The following PYGO1 variants were observed in gnomAD, a reference collection of about 807,000 sequenced individuals.
The protein encoded by PYGO1 is pygopus family PHD finger 1.
PYGO1 carries 6 observed loss-of-function variants against 29.5 expected under a neutral mutation model. That is an observed-to-expected ratio of 0.20 (90% CI 0.11 to 0.40). The LOEUF (loss-of-function observed/expected upper bound fraction) is 0.40, where lower values mean the gene tolerates loss of function less well. PYGO1 is among the 10% of genes least tolerant of loss of function. The pLI is 1.00. For missense variants in PYGO1, 515 were observed against 514.9 expected (o/e 1.00, Z 0.00); for synonymous variants, 186 against 180.5 (o/e 1.03, Z -0.24).
At chr15:55,566,011 G>A (rs2058954820) in intron 1 of PYGO1, among the ~76,000 whole-genome samples, 1 of 152,196 alleles carries the variant, frequency 6.6e-6, no homozygotes. Flanking sequence ...TCGAACTCCT[G>A]ACCTTGTCAT....
intron 1 of PYGO1, among the ~76,000 whole-genome samples, chr15:55,568,133 G>C (rs2058964799): frequency 6.6e-6 from 1 of 152,120 alleles, no homozygotes; most frequent in Non-Finnish European, 1.5e-5. Context: ...TAGTTTGATA[G>C]AAATAGTGTT....
intron 1 of PYGO1, among the ~76,000 whole-genome samples, chr15:55,587,448 T>C (rs1397592426): frequency 6.6e-6 from 1 of 151,928 alleles, no homozygotes; most frequent in African/African-American, 2.4e-5. Context: ...AACTCTTGTG[T>C]ACTCCAACTT....
chr15:55,573,933 T>C (rs2058990628), intron 1 of PYGO1, among the ~76,000 whole-genome samples: 1 of 152,228 alleles, frequency 6.6e-6, no homozygotes, highest in Non-Finnish European at 1.5e-5. Flanking sequence ...GTTTTCATTG[T>C]CTATTTACAA....
intron 1 of PYGO1, among the ~76,000 whole-genome samples, chr15:55,577,402 C>T (rs2059007590): frequency 6.6e-6 from 1 of 152,102 alleles, no homozygotes; most frequent in South Asian, 2.1e-4. Flanking sequence ...GGCTCAGGAA[C>T]CCCTGAGGCT....
intron 2 of PYGO1, among the ~76,000 whole-genome samples, chr15:55,548,706 C>T: frequency 2.6e-5 from 1 of 38,020 alleles, no homozygotes; most frequent in Non-Finnish European, 4.8e-5. Flanking sequence ...AAGAATCCAC[C>T]TAAAAAAAAA....
In PYGO1 at chr15:55,546,037, C is replaced by A. The variant is rs1225868090; in HGVS notation, c.1246G>T (p.Gly416Cys). The A allele has an allele frequency of 2.5e-6, 4 of 1,609,046 alleles. No individual in the cohort carries two copies. Among genetic ancestry groups the A allele is most frequent in the Non-Finnish European group, 3.4e-6 (4 of 1,176,378 alleles). The change falls in exon 3 of 3, where the codon GGC becomes TGC. Residue 416 changes from glycine (G) to cysteine (C), a missense_variant. Gly to Cys is a radical substitution (Grantham distance 159). Transcript: ENST00000563719. ...TRETFGPSAV[G>C]SDA ...AATGCCTTTGATTAAGCATCACTGC[C>A]CACTGCAGATGGACCAAAAGTTTCT...
chr15:55,574,509 C>T (rs1407309710), intron 1 of PYGO1, among the ~76,000 whole-genome samples: 1 of 152,086 alleles, frequency 6.6e-6, no homozygotes, highest in East Asian at 1.9e-4. Flanking sequence ...ATATTTTATG[C>T]AGTCATGACA....
rs950544074 is a variant in PYGO1, at chr15:55,587,684, G to A, written c.49+151C>T. Reference sequence around the variant, plus strand: ...CAGCGGGCGCCCGGGCCGCGCGCTCGGATCGCAGCCTCGGCCCCGGGGTGC... The same window carrying A: ...CAGCGGGCGCCCGGGCCGCGCGCTCAGATCGCAGCCTCGGCCCCGGGGTGC... On this transcript the variant is annotated intron_variant, in intron 1 of 2. Coordinates refer to ENST00000563719, the MANE Select transcript of PYGO1 (RefSeq NM_001367806.1). 5.2e-6 allele frequency: 6 copies of A among 1,158,556 alleles called. No homozygotes were observed. The African/African-American group carries it at 6.5e-5, about 13-fold the overall frequency. The allele number at this position is 1,158,556 out of a possible 1,614,324, so 71.8% of individuals were successfully genotyped here.
chr15:55,559,141 A>G (rs1379379102), intron 1 of PYGO1, among the ~76,000 whole-genome samples: 2 of 152,210 alleles, frequency 1.3e-5, no homozygotes, highest in Non-Finnish European at 2.9e-5. Flanking sequence ...CTTACAAGAA[A>G]AAAACAACCC....
chr15:55,558,739 T>C, intron 1 of PYGO1, among the ~76,000 whole-genome samples: 1 of 151,986 alleles, frequency 6.6e-6, no homozygotes. Context: ...GGGGAAAGGA[T>C]TCCCTATTTA....
chr15:55,551,540 T>C (rs141190605), intron 1 of PYGO1, among the ~76,000 whole-genome samples: 311 of 152,180 alleles, frequency 2.0e-3, no homozygotes, highest in African/African-American at 6.8e-3. Flanking sequence ...CTCATGTCGA[T>C]AATCTCAACA....
intron 1 of PYGO1, among the ~76,000 whole-genome samples, chr15:55,571,809 G>A (rs1244644707): frequency 6.6e-6 from 1 of 152,142 alleles, no homozygotes; most frequent in South Asian, 2.1e-4. Flanking sequence ...AATTTTTTGA[G>A]GAACCATCAA....
intron 1 of PYGO1, among the ~76,000 whole-genome samples, chr15:55,565,847 T>C (rs2058954121): frequency 1.3e-5 from 2 of 152,178 alleles, no homozygotes; most frequent in South Asian, 4.1e-4. Flanking sequence ...CAGTGGCACA[T>C]GTTGGTTCAC....
rs1055300852 is a variant in PYGO1, at chr15:55,556,886, A to G, written c.50-7891T>C. Among the ~76,000 whole-genome samples, 13 of 148,024 alleles carry G rather than the reference A, an allele frequency of 8.8e-5. No homozygotes were observed. The East Asian group carries it at 2.6e-3, about 29-fold the overall frequency. On this transcript the variant is annotated intron_variant, in intron 1 of 2. Transcript: ENST00000563719. ...ATAAGCACCTCTATGCACATATACT[A>G]AAAAAAAAACTGGAACAAATAAATT...
At chr15:55,564,892 T>G (rs1458081653) in intron 1 of PYGO1, among the ~76,000 whole-genome samples, 4 of 152,196 alleles carry the variant, frequency 2.6e-5, no homozygotes, top group Non-Finnish European at 4.4e-5. Flanking sequence ...CTCATCATTC[T>G]TGTCTGTAGC....
At chr15:55,564,614 A>T (rs2058947298) in intron 1 of PYGO1, among the ~76,000 whole-genome samples, 1 of 151,904 alleles carries the variant, frequency 6.6e-6, no homozygotes, top group Admixed American at 6.6e-5. Context: ...TGCAAGGCAC[A>T]GGTGTCACAA....
In PYGO1 at chr15:55,539,127, T is replaced by C. The variant is rs1345266715; in HGVS notation, c.*6896A>G. The C allele has an allele frequency of 6.6e-6, 1 of 152,186 alleles. No individual in the cohort carries two copies. Among genetic ancestry groups the C allele is most frequent in the Non-Finnish European group, 1.5e-5 (1 of 68,034 alleles). 9.4% of individuals were successfully genotyped at this position (152,186 alleles called of 1,614,324 possible). On this transcript the variant is annotated 3_prime_UTR_variant, in exon 3 of 3. Coordinates refer to ENST00000563719, the MANE Select transcript of PYGO1 (RefSeq NM_001367806.1). ...GACAGCAGAACGTCTACTTGTCTTCTTACTTATCTATAGAATAAAAAAACT... is the reference window on the plus strand; with the variant it reads ...GACAGCAGAACGTCTACTTGTCTTCCTACTTATCTATAGAATAAAAAAACT...
chr15:55,548,144 G>A (rs999375106), intron 2 of PYGO1, among the ~76,000 whole-genome samples: 6 of 151,800 alleles, frequency 4.0e-5, no homozygotes, highest in African/African-American at 9.7e-5. Context: ...CTCAGCCTCC[G>A]CAATAGCTGG....
At chr15:55,587,738 G>A in intron 1 of PYGO1, 97 bp downstream of exon 1, 2 of 1,368,998 alleles carry the variant, frequency 1.5e-6, no homozygotes, top group Non-Finnish European at 1.9e-6. Flanking sequence ...GCGGACTTAG[G>A]CCCGGACAGA....
Sources: gnomAD v4.1 joint callset for allele counts (sites outside exome capture counted in the v4.1 genomes callset) on GRCh38, gnomAD v4.1.1 for gene constraint, MANE v1.5 for transcripts, NCBI Gene and HGNC (gene_info 2026-07-23, HGNC 2026-07-21) for gene names.